Variants in USP38 observed in about 807,000 individuals in gnomAD.
USP38 encodes ubiquitin carboxyl-terminal hydrolase 38.
USP38 carries 49 observed loss-of-function variants against 94.3 expected under a neutral mutation model. The observed-to-expected ratio is 0.52, with a 90% CI of 0.41 to 0.66. The LOEUF is 0.66. USP38 is among the 30% of genes least tolerant of loss of function. The pLI is 0.00. For synonymous variants in USP38, 468 were observed against 463.6 expected, an observed-to-expected ratio of 1.01 and a Z score of -0.12; for missense variants, 1,128 against 1,229.4, an observed-to-expected ratio of 0.92 and a Z score of 1.23.
chr4:143,202,413 A>G (rs1227880253), intron 4 of USP38, among the ~76,000 whole-genome samples: 1 of 152,146 alleles, frequency 6.6e-6, no homozygotes, highest in Non-Finnish European at 1.5e-5. Flanking sequence ...GTTTGATGGT[A>G]CGACCCTAAT....
At chr4:143,191,701 G>C (rs1248405321) in intron 2 of USP38, among the ~76,000 whole-genome samples, 1 of 152,150 alleles carries the variant, frequency 6.6e-6, no homozygotes, top group East Asian at 1.9e-4. Flanking sequence ...TAAGTGCTGG[G>C]AATCCAAAGA....
intron 2 of USP38, among the ~76,000 whole-genome samples, chr4:143,189,181 G>A (rs781439335): frequency 7.9e-5 from 12 of 151,912 alleles, no homozygotes; most frequent in Non-Finnish European, 1.5e-4. Context: ...GCAAACCTGT[G>A]GATATCTGAG....
At chr4:143,187,791 G>A in intron 1 of USP38, 35 bp from the exon 2 acceptor site, 1 of 1,557,700 alleles carries the variant, frequency 6.4e-7, no homozygotes, top group South Asian at 1.2e-5. Flanking sequence ...GAACCTACTT[G>A]CCATGTTCCC....
chr4:143,210,314 C>T (rs531032743), intron 7 of USP38, among the ~76,000 whole-genome samples: 22 of 152,250 alleles, frequency 1.4e-4, no homozygotes, highest in Middle Eastern at 6.8e-3. Flanking sequence ...CTTGGCCAGG[C>T]GCAGTGGCTC....
chr4:143,191,727 T>C (rs1315944140), intron 2 of USP38, among the ~76,000 whole-genome samples: 5 of 152,252 alleles, frequency 3.3e-5, no homozygotes, highest in African/African-American at 1.2e-4. Context: ...GAGAGATTAC[T>C]GCTCTCAAGC....
In USP38 at chr4:143,221,944, A is replaced by G. The variant is rs888684504; in HGVS notation, c.*1488A>G. The G allele has an allele frequency of 6.6e-6, 1 of 151,960 alleles. No individual in the cohort carries two copies. The highest frequency in any genetic ancestry group is 2.1e-4 in the South Asian group (1 of 4,828). 9.4% of individuals were successfully genotyped at this position (151,960 alleles called of 1,614,324 possible). A position where few individuals can be genotyped will look rare whatever the true frequency, so the allele number is the denominator to read the frequency against. ...AGATTAAAAACTGAAAATTCTTTGC[A>G]GATTTAATGAAGGTTCTCCTCCTTA... On this transcript the variant is annotated 3_prime_UTR_variant, in exon 10 of 10. Transcript: ENST00000307017.
At chr4:143,215,043 A>C in intron 9 of USP38, 100 bp downstream of exon 9, 1 of 1,146,890 alleles carries the variant, frequency 8.7e-7, no homozygotes, top group Non-Finnish European at 1.2e-6. Context: ...TTTTTATTAA[A>C]TTCTGAAATA....
At chr4:143,216,205 C>T (rs975889100) in intron 9 of USP38, among the ~76,000 whole-genome samples, 3 of 152,060 alleles carry the variant, frequency 2.0e-5, no homozygotes, top group African/African-American at 4.8e-5. Context: ...AATATTTGAG[C>T]ATGAGGAGCT....
In USP38 at chr4:143,185,371, C is replaced by T. The variant is rs1731181582; in HGVS notation, c.-80C>T. ...TGCGGCGCTCCAAGTTCATCTCCGC[C>T]CCGGGGCTCTCCTGCCCCACCTCGG... is the stretch of plus-strand genomic sequence containing the variant. On this transcript the variant is annotated 5_prime_UTR_variant, in exon 1 of 10. Transcript: ENST00000307017. 2.1e-6 allele frequency: 3 copies of T among 1,461,304 alleles called. No homozygotes were observed. The highest frequency in any genetic ancestry group is 2.4e-5 in the Admixed American group (1 of 42,322). The allele number at this position is 1,461,304 out of a possible 1,614,324, so 90.5% of individuals were successfully genotyped here.
At position 143,221,435 on chromosome 4, in the gene USP38, A is replaced by C. The variant is rs1350588221; in HGVS notation, c.*979A>C. Reference sequence around the variant, plus strand: ...GGAAATTAACCCAGCTAAGTAAAAAATCTGTCTTGATTTTGTTACTTATTC... The same window carrying C: ...GGAAATTAACCCAGCTAAGTAAAAACTCTGTCTTGATTTTGTTACTTATTC... On this transcript the variant is annotated 3_prime_UTR_variant, in exon 10 of 10. Coordinates refer to ENST00000307017, the MANE Select transcript of USP38 (RefSeq NM_032557.6). 2 of 152,680 alleles carry C rather than the reference A, an allele frequency of 1.3e-5. No homozygotes were observed. Among genetic ancestry groups the C allele is most frequent in the African/African-American group, 4.8e-5 (2 of 41,580 alleles). The allele number at this position is 152,680 out of a possible 1,614,324, so 9.5% of individuals were successfully genotyped here.
intron 3 of USP38, among the ~76,000 whole-genome samples, 183 bp downstream of exon 3, chr4:143,196,028 G>A (rs374753237): frequency 6.6e-6 from 1 of 152,206 alleles, no homozygotes; most frequent in East Asian, 1.9e-4. Context: ...TAATTAGGTT[G>A]GGCATGGTTG....
chr4:143,186,167 A>G, intron 1 of USP38, 35 bp downstream of exon 1: 1 of 1,587,606 alleles, frequency 6.3e-7, no homozygotes, highest in Non-Finnish European at 8.6e-7. Context: ...ATCTCATAAA[A>G]AATCAGTATA....
intron 2 of USP38, among the ~76,000 whole-genome samples, chr4:143,188,844 T>C (rs1731308765): frequency 6.6e-6 from 1 of 152,100 alleles, no homozygotes; most frequent in African/African-American, 2.4e-5. Flanking sequence ...CAACATGTCT[T>C]CTAATTTCAA....
intron 6 of USP38, among the ~76,000 whole-genome samples, chr4:143,207,085 G>A (rs543909782): frequency 5.5e-4 from 83 of 152,268 alleles, no homozygotes; most frequent in African/African-American, 1.9e-3. Context: ...ATCTGCAAAG[G>A]TACAAAATAA....
intron 6 of USP38, among the ~76,000 whole-genome samples, chr4:143,208,961 C>A (rs1263787556): frequency 4.0e-5 from 6 of 150,710 alleles, no homozygotes; most frequent in Non-Finnish European, 5.9e-5. Flanking sequence ...GGATGGATAC[C>A]CAGCTGTCCC....
intron 4 of USP38, among the ~76,000 whole-genome samples, chr4:143,199,094 C>G (rs1033021434): frequency 6.6e-6 from 1 of 152,020 alleles, no homozygotes; most frequent in African/African-American, 2.4e-5. Context: ...GTTATTAAAC[C>G]CAGTACCCAA....
chr4:143,190,470 A>C (rs1329485416), intron 2 of USP38, among the ~76,000 whole-genome samples: 1 of 151,856 alleles, frequency 6.6e-6, no homozygotes, highest in Non-Finnish European at 1.5e-5. Flanking sequence ...TGAAGAAACA[A>C]ACCAGGGTAG....
Position 143,222,729 on chromosome 4 carries a change from G to A in USP38, c.*2273G>A, listed in dbSNP as rs1486518364. 1 of 152,042 alleles carries A rather than the reference G, an allele frequency of 6.6e-6. No homozygotes were observed. Among genetic ancestry groups the A allele is most frequent in the Non-Finnish European group, 1.5e-5 (1 of 67,956 alleles). 9.4% of individuals were successfully genotyped at this position (152,042 alleles called of 1,614,324 possible). ...GTTGAATTCAACATATTTGGAACCA[G>A]AATAATCAGAAACTTCATTCAAAAC... On this transcript the variant is annotated 3_prime_UTR_variant, in exon 10 of 10. Coordinates refer to ENST00000307017, the MANE Select transcript of USP38 (RefSeq NM_032557.6).
rs377244774 is a variant in USP38 at position 143,209,676 on chromosome 4, A to C, written c.1497+19A>C. 23 of 1,498,408 alleles carry C rather than the reference A, an allele frequency of 1.5e-5. No individual in the cohort carries two copies. The highest frequency in any genetic ancestry group is 2.1e-5 in the Non-Finnish European group (23 of 1,085,456). The allele number at this position is 1,498,408 out of a possible 1,614,324, so 92.8% of individuals were successfully genotyped here. A position where few individuals can be genotyped will look rare whatever the true frequency, so the allele number is the denominator to read the frequency against. On this transcript the variant is annotated intron_variant, in intron 7 of 9. Coordinates refer to ENST00000307017, the MANE Select transcript of USP38 (RefSeq NM_032557.6). Reference sequence around the variant, plus strand: ...TACACAGGTGAGTGTGTATGTGTATATAGTACGTTTATGTTAACTGCGTGG... The same window carrying C: ...TACACAGGTGAGTGTGTATGTGTATCTAGTACGTTTATGTTAACTGCGTGG...
Sources: allele counts gnomAD v4.1 joint callset (sites outside exome capture counted in the v4.1 genomes callset), GRCh38; gene constraint gnomAD v4.1.1; transcripts MANE v1.5; gene names NCBI Gene and HGNC (gene_info 2026-07-23, HGNC 2026-07-21).